The following INSIG2 variants were observed in gnomAD, a reference collection of about 807,000 sequenced individuals.
INSIG2 encodes insulin induced gene 2, also known as insulin-induced gene 2 protein.
INSIG2 carries 10 observed loss-of-function variants against 27.2 expected under a neutral mutation model. The observed-to-expected ratio is 0.37, with a 90% CI of 0.23 to 0.62. INSIG2 has a LOEUF of 0.62. Ranked by LOEUF, INSIG2 falls within the 20% of genes least tolerant of loss-of-function variation. The pLI, the probability that INSIG2 is intolerant of heterozygous loss-of-function variation, is 0.65. For missense variants in INSIG2, 178 were observed against 270.2 expected, an observed-to-expected ratio of 0.66 and a Z score of 2.39; for synonymous variants, 97 against 95.8, an observed-to-expected ratio of 1.01 and a Z score of -0.07.
rs145427090 is a variant in INSIG2 at position 118,098,286 on chromosome 2, G to C, written c.244+1486G>C. On this transcript the variant is annotated intron_variant, in intron 2 of 5. Coordinates refer to ENST00000245787, the MANE Select transcript of INSIG2 (RefSeq NM_016133.4). ...TTTTCAGGATAGAACAGAGGGAAGG[G>C]AAACTGTTGTTTATTGAATGTCTGC... Among the ~76,000 whole-genome samples the C allele has an allele frequency of 4.5e-4, 69 of 152,308 alleles. 1 individual carries two copies. Among genetic ancestry groups the C allele is most frequent in the African/African-American group, 1.5e-3 (64 of 41,568 alleles).
intron 1 of INSIG2, 62 bp from the exon 2 acceptor site, chr2:118,096,357 A>G (rs1313805345): frequency 6.3e-6 from 3 of 476,980 alleles, no homozygotes; most frequent in African/African-American, 5.9e-5. Flanking sequence ...TATTGAAATC[A>G]GTAAAATTAC....
chr2:118,100,293 G>C (rs1186826967), intron 2 of INSIG2, among the ~76,000 whole-genome samples: 7 of 151,128 alleles, frequency 4.6e-5, no homozygotes, highest in African/African-American at 9.7e-5. Flanking sequence ...CCTCTGTCCT[G>C]TCAGCTGCCC....
intron 1 of INSIG2, among the ~76,000 whole-genome samples, chr2:118,090,998 C>T (rs1678211324): frequency 6.6e-6 from 1 of 152,060 alleles, no homozygotes; most frequent in Non-Finnish European, 1.5e-5. Context: ...GACTTTTTCC[C>T]TGGTCAGCAA....
At chr2:118,094,233 AGATGATGATGATGAT>A (rs70949910) in intron 1 of INSIG2, among the ~76,000 whole-genome samples, 2 of 98,400 alleles carry the variant, frequency 2.0e-5, no homozygotes, top group South Asian at 6.9e-4. Flanking sequence ...AAAAGCAACC[AGATGATGATGATGAT>A]GATGATGATG....
intron 1 of INSIG2, among the ~76,000 whole-genome samples, chr2:118,093,860 TGATGAGGAGGAG>T (rs1678331297): frequency 2.6e-5 from 2 of 75,562 alleles, no homozygotes; most frequent in Middle Eastern, 8.8e-3. Flanking sequence ...ATGATGATGA[TGATGAGGAGGAG>T]GAGGAGGAGG....
chr2:118,091,629 C>G (rs1409239644), intron 1 of INSIG2, among the ~76,000 whole-genome samples: 3 of 152,092 alleles, frequency 2.0e-5, no homozygotes, highest in Non-Finnish European at 4.4e-5. Context: ...TTTCTTAAAG[C>G]TTTTATTTTT....
intron 1 of INSIG2, among the ~76,000 whole-genome samples, chr2:118,090,924 T>C (rs902686297): frequency 6.6e-6 from 1 of 152,198 alleles, no homozygotes; most frequent in East Asian, 1.9e-4. Context: ...ACCTGCCTAT[T>C]TACCAAGATT....
At chr2:118,108,225 T>C (rs142779174) in intron 5 of INSIG2, 56 bp from the exon 6 acceptor site, 1 of 1,130,828 alleles carries the variant, frequency 8.8e-7, no homozygotes, top group African/African-American at 1.6e-5. Flanking sequence ...TATTTGGAAG[T>C]TGCTATTCAA....
intron 1 of INSIG2, among the ~76,000 whole-genome samples, chr2:118,090,720 TA>T (rs1678204219): frequency 1.3e-5 from 2 of 152,232 alleles, no homozygotes; most frequent in Non-Finnish European, 2.9e-5. Context: ...AACATGATTT[TA>T]AAAACGGTTT....
At chr2:118,101,237 A>T (rs1678537517) in intron 2 of INSIG2, among the ~76,000 whole-genome samples, 1 of 152,176 alleles carries the variant, frequency 6.6e-6, no homozygotes, top group Non-Finnish European at 1.5e-5. Flanking sequence ...ATGGGAAGTG[A>T]CAAGCTTCTT....
chr2:118,097,202 T>C (rs556011000), intron 2 of INSIG2, among the ~76,000 whole-genome samples: 7 of 152,226 alleles, frequency 4.6e-5, no homozygotes, highest in Non-Finnish European at 1.0e-4. Context: ...TTTTAACATT[T>C]AATTCTGAAA....
chr2:118,102,254 T>A (rs1169190914), intron 2 of INSIG2, among the ~76,000 whole-genome samples: 1 of 152,258 alleles, frequency 6.6e-6, no homozygotes, highest in Non-Finnish European at 1.5e-5. Context: ...ATAGTCTTTT[T>A]AATAACTAAT....
chr2:118,106,003 G>A (rs966099499), intron 3 of INSIG2, among the ~76,000 whole-genome samples: 7 of 152,164 alleles, frequency 4.6e-5, no homozygotes, highest in African/African-American at 1.7e-4. Flanking sequence ...CCATACATTT[G>A]TGAATAGATG....
chr2:118,092,642 C>T (rs1055430137), intron 1 of INSIG2, among the ~76,000 whole-genome samples: 6 of 152,168 alleles, frequency 3.9e-5, no homozygotes, highest in African/African-American at 1.2e-4. Flanking sequence ...TACTGCATGT[C>T]ATGTGACCAT....
intron 3 of INSIG2, among the ~76,000 whole-genome samples, chr2:118,106,207 A>C (rs886426585): frequency 3.3e-5 from 5 of 152,264 alleles, no homozygotes; most frequent in Non-Finnish European, 7.3e-5. Context: ...TCTGAACTGC[A>C]TTATTATAAA....
chr2:118,105,897 G>A (rs537382010), intron 3 of INSIG2, among the ~76,000 whole-genome samples: 1 of 152,278 alleles, frequency 6.6e-6, no homozygotes, highest in Non-Finnish European at 1.5e-5. Context: ...AATGACACTT[G>A]AAATTAATTC....
chr2:118,096,316 A>G, intron 1 of INSIG2, 103 bp from the exon 2 acceptor site: 1 of 390,024 alleles, frequency 2.6e-6, no homozygotes, highest in East Asian at 4.3e-5. Flanking sequence ...CAAGCTTGTC[A>G]TTTTCTTATT....
rs765241048 is a variant in INSIG2 at position 118,106,873 on chromosome 2, C to T, written c.506C>T (p.Thr169Ile). ...ATTGCCTTCTTGGCAACTGTGGTCACTCAACTGCTAGTATATAATGGTGTT... is the reference window on the plus strand; with the variant it reads ...ATTGCCTTCTTGGCAACTGTGGTCATTCAACTGCTAGTATATAATGGTGTT... ...VGIAFLATVVTQLLVYNGVYQ... is the reference protein window; with the variant it reads ...VGIAFLATVVIQLLVYNGVYQ... The change falls in exon 4 of 6, where the codon ACT becomes ATT. Residue 169 changes from threonine to isoleucine, a missense_variant. Physicochemically the swap from Thr to Ile is moderately conservative, Grantham distance 89. Transcript: ENST00000245787. The T allele has an allele frequency of 1.2e-6, 2 of 1,613,972 alleles. No homozygotes were observed. Among genetic ancestry groups the T allele is most frequent in the African/African-American group, 2.7e-5 (2 of 74,908 alleles).
chr2:118,088,674 G>A (rs189001822), intron 1 of INSIG2, 133 bp downstream of exon 1: 1 of 153,322 alleles, frequency 6.5e-6, no homozygotes, highest in East Asian at 1.9e-4. Context: ...CAGGTGCGGG[G>A]AGCCAGGACC....
Sources: allele counts gnomAD v4.1 joint callset (sites outside exome capture counted in the v4.1 genomes callset), GRCh38; gene constraint gnomAD v4.1.1; transcripts MANE v1.5; gene names NCBI Gene and HGNC (gene_info 2026-07-23, HGNC 2026-07-21).